The following TLN2 variants were observed in gnomAD, a reference collection of about 807,000 sequenced individuals.
TLN2 encodes the protein talin-2.
TLN2 carries 118 observed loss-of-function variants against 294.7 expected under a neutral mutation model. The observed-to-expected ratio is 0.40, with a 90% CI of 0.34 to 0.47. TLN2 has a LOEUF of 0.47. Among genes scored for constraint, TLN2 ranks in the 20% least tolerant of loss-of-function variants. TLN2 has a pLI of 0.84. For missense variants in TLN2, 3,083 were observed against 3,282.2 expected (o/e 0.94, Z 1.48); for synonymous variants, 1,431 against 1,304.5 (o/e 1.10, Z -2.09).
chr15:62,708,801 G>A lies in TLN2; in HGVS notation c.2467+5G>A. On this transcript the variant is annotated splice_donor_5th_base_variant and intron_variant, in intron 21 of 58. Coordinates refer to ENST00000636159, the MANE Select transcript of TLN2 (RefSeq NM_015059.3). ...TCAGCTCCATGGGTGACGCTGGTAA[G>A]GCACTGTGCTGTGGGTGGGTGGATG... is the stretch of plus-strand genomic sequence containing the variant. 6.3e-7 allele frequency: 1 copy of A among 1,596,658 alleles called. No homozygotes were observed. The highest frequency in any genetic ancestry group is 8.5e-7 in the Non-Finnish European group (1 of 1,176,264).
At chr15:62,651,152 T>G (rs904536655) in intron 5 of TLN2, among the ~76,000 whole-genome samples, 2 of 152,206 alleles carry the variant, frequency 1.3e-5, no homozygotes, top group African/African-American at 4.8e-5. Context: ...CACACACTGA[T>G]GTCTTTTTAA....
At chr15:62,612,012 C>G (rs924084511) in intron 2 of TLN2, among the ~76,000 whole-genome samples, 2 of 152,128 alleles carry the variant, frequency 1.3e-5, no homozygotes, top group Non-Finnish European at 2.9e-5. Flanking sequence ...AAAGTACAAT[C>G]CCTTTCCCCA....
chr15:62,404,495 G>C (rs2033256150), intron 1 of TLN2, among the ~76,000 whole-genome samples: 1 of 152,120 alleles, frequency 6.6e-6, no homozygotes, highest in Non-Finnish European at 1.5e-5. Context: ...GGAGTTCAGT[G>C]GGCCCTCTCT....
chr15:62,690,856 AT>A (rs2057815488), intron 12 of TLN2, among the ~76,000 whole-genome samples: 1 of 151,714 alleles, frequency 6.6e-6, no homozygotes, highest in Non-Finnish European at 1.5e-5. Context: ...ACCAAAAAAA[AT>A]ACGAAAACCA....
intron 31 of TLN2, 44 bp from the exon 32 acceptor site, chr15:62,740,586 A>G: frequency 6.2e-7 from 1 of 1,610,452 alleles, no homozygotes; most frequent in Non-Finnish European, 8.5e-7. Context: ...CTCCTTCAAG[A>G]AATGGACAGG....
chr15:62,627,848 G>A (rs1024962525), intron 3 of TLN2, among the ~76,000 whole-genome samples: 10 of 151,930 alleles, frequency 6.6e-5, no homozygotes, highest in African/African-American at 1.9e-4. Context: ...TTTTGGGCTC[G>A]TTTTACTCTC....
At chr15:62,448,092 A>G (rs151068569) in intron 1 of TLN2, among the ~76,000 whole-genome samples, 24 of 152,300 alleles carry the variant, frequency 1.6e-4, no homozygotes, top group Non-Finnish European at 2.8e-4. Flanking sequence ...CCTTGGATTT[A>G]GGAGACGAAC....
intron 1 of TLN2, among the ~76,000 whole-genome samples, chr15:62,551,233 C>A (rs868620029): frequency 6.6e-6 from 1 of 152,042 alleles, no homozygotes; most frequent in South Asian, 2.1e-4. Flanking sequence ...GCTTGCTTGC[C>A]CACTGCTCAC....
At chr15:62,702,313 T>G (rs1025003581) in intron 18 of TLN2, 113 bp downstream of exon 18, 5 of 1,198,068 alleles carry the variant, frequency 4.2e-6, no homozygotes, top group Admixed American at 4.8e-5. Flanking sequence ...TGGGGTGTGT[T>G]TCTCTCTGCA....
chr15:62,740,820 C>T (rs2061282494), intron 32 of TLN2, 51 bp downstream of exon 32: 1 of 1,607,042 alleles, frequency 6.2e-7, no homozygotes, highest in South Asian at 1.1e-5. Context: ...AGTGTCATTG[C>T]AGTCTGAAGA....
chr15:62,740,387 T>C (rs775330831), intron 31 of TLN2: 1 of 465,392 alleles, frequency 2.1e-6, no homozygotes, highest in African/African-American at 2.0e-5. Flanking sequence ...GCACAGCTCT[T>C]GGCTGACCCA....
chr15:62,819,510 C>T lies in TLN2; in HGVS notation c.6772-6C>T. Reference sequence around the variant, plus strand: ...CTCATGCCTCTGACTTGTTCTTCACCTGTAGATTCTTCAGAAACCAACCCC... The same window carrying T: ...CTCATGCCTCTGACTTGTTCTTCACTTGTAGATTCTTCAGAAACCAACCCC... On this transcript the variant is annotated splice_polypyrimidine_tract_variant and splice_region_variant and intron_variant, in intron 52 of 58. Transcript: ENST00000636159. 1 of 1,612,930 alleles carries T rather than the reference C, an allele frequency of 6.2e-7. No individual in the cohort carries two copies. The highest frequency in any genetic ancestry group is 8.5e-7 in the Non-Finnish European group (1 of 1,178,970).
intron 21 of TLN2, among the ~76,000 whole-genome samples, chr15:62,709,895 C>T (rs890651751): frequency 3.4e-4 from 52 of 152,100 alleles, no homozygotes; most frequent in Admixed American, 3.1e-3. Context: ...CCATGATGCC[C>T]GGCTAATTTT....
intron 2 of TLN2, among the ~76,000 whole-genome samples, chr15:62,596,132 G>T (rs1377608678): frequency 6.6e-6 from 1 of 152,026 alleles, no homozygotes; most frequent in East Asian, 1.9e-4. Flanking sequence ...GGGCGCAGTG[G>T]CAGGCGCCTG....
chr15:62,594,320 A>G (rs537803986), intron 2 of TLN2, among the ~76,000 whole-genome samples: 71 of 152,282 alleles, frequency 4.7e-4, no homozygotes, highest in Middle Eastern at 3.4e-3. Context: ...TGATCCTTTC[A>G]CTGCAGCCTC....
At position 62,708,439 on chromosome 15, in the gene TLN2, G is replaced by A. The variant is rs570587319; in HGVS notation, c.2173-63G>A. 81 of 1,554,722 alleles carry A rather than the reference G, an allele frequency of 5.2e-5. No individual in the cohort carries two copies. The African/African-American group carries it at 1.0e-3, about 19-fold the overall frequency. On this transcript the variant is annotated intron_variant, in intron 20 of 58. Coordinates refer to ENST00000636159, the MANE Select transcript of TLN2 (RefSeq NM_015059.3). The stretch of plus-strand genomic sequence containing the variant: ...GGAAGGGCTTTGATGGGACTGCGGG[G>A]GCACATGGAGAGGGACCAGGATTCA...
At position 62,844,262 on chromosome 15, in the gene TLN2, T is replaced by C. The variant is rs1396953157; in HGVS notation, c.*3652T>C. The C allele has an allele frequency of 6.6e-6, 1 of 152,106 alleles. No homozygotes were observed. 9.4% of individuals were successfully genotyped at this position (152,106 alleles called of 1,614,324 possible). A position where few individuals can be genotyped will look rare whatever the true frequency, so the allele number is the denominator to read the frequency against. ...CTGTTGCTCCATCTTTCTGAGCCTC[T>C]GCTTGGTATGTCATGTTTATGGTCA... On this transcript the variant is annotated 3_prime_UTR_variant, in exon 59 of 59. Transcript: ENST00000636159.
Position 62,763,623 on chromosome 15 carries a change from C to G in TLN2, c.5022C>G (p.Ile1674Met), listed in dbSNP as rs1318369032. Residue 1674 changes from isoleucine to methionine, a missense_variant, in exon 40 of 59, where the codon ATC becomes ATG. Coordinates refer to ENST00000636159, the MANE Select transcript of TLN2 (RefSeq NM_015059.3). ...DYSIDGINRC[I>M]RDIEQASLAA... The stretch of plus-strand genomic sequence containing the variant: ...CCATCGATGGCATCAACCGGTGCAT[C>G]CGGGACATCGAGCAGGCCTCGCTGG... 2 of 1,613,596 alleles carry G rather than the reference C, an allele frequency of 1.2e-6. No individual in the cohort carries two copies. Among genetic ancestry groups the G allele is most frequent in the Non-Finnish European group, 1.7e-6 (2 of 1,179,910 alleles).
chr15:62,565,500 G>A (rs940387568), intron 1 of TLN2, among the ~76,000 whole-genome samples: 1 of 152,150 alleles, frequency 6.6e-6, no homozygotes, highest in South Asian at 2.1e-4. Flanking sequence ...ATACCACTTC[G>A]TAATTAAGTA....
Sources: gnomAD v4.1 joint callset for allele counts (sites outside exome capture counted in the v4.1 genomes callset) on GRCh38, gnomAD v4.1.1 for gene constraint, MANE v1.5 for transcripts, NCBI Gene and HGNC (gene_info 2026-07-23, HGNC 2026-07-21) for gene names.